The following LUZP2 variants were observed in gnomAD, a reference collection of about 807,000 sequenced individuals.
LUZP2 encodes the protein leucine zipper protein 2.
In LUZP2, 52 loss-of-function variants were observed where a neutral mutation model predicts 51.6. The ratio of observed to expected loss-of-function variants is 1.01; its 90% CI spans 0.81 to 1.27. The LOEUF (loss-of-function observed/expected upper bound fraction) is 1.27, where lower values mean the gene tolerates loss of function less well. LUZP2 is among the 50% of genes most tolerant of loss of function. The pLI, the probability that LUZP2 is intolerant of heterozygous loss-of-function variation, is 0.00. For synonymous variants in LUZP2, 154 were observed against 137.3 expected (o/e 1.12, Z -0.85); for missense variants, 436 against 395.4 (o/e 1.10, Z -0.87).
intron 1 of LUZP2, among the ~76,000 whole-genome samples, chr11:24,581,343 G>A (rs1482375207): frequency 1.3e-5 from 2 of 152,170 alleles, no homozygotes; most frequent in African/African-American, 4.8e-5. Context: ...AATGGTAACA[G>A]GTATACTAAT....
intron 1 of LUZP2, among the ~76,000 whole-genome samples, chr11:24,715,235 A>G (rs553180991): frequency 1.3e-5 from 2 of 150,224 alleles, no homozygotes; most frequent in South Asian, 4.2e-4. Context: ...GCATCTGCAG[A>G]TTATGGTATC....
At chr11:24,894,119 AATAG>A (rs1305539939) in intron 5 of LUZP2, among the ~76,000 whole-genome samples, 1 of 152,128 alleles carries the variant, frequency 6.6e-6, no homozygotes, top group Non-Finnish European at 1.5e-5. Context: ...TCTATGAGTG[AATAG>A]AATATGCATG....
chr11:24,999,047 ATGATCTAATGCAACACATGGTCAT>A (rs1458680755), intron 9 of LUZP2, among the ~76,000 whole-genome samples: 3 of 152,164 alleles, frequency 2.0e-5, no homozygotes, highest in Non-Finnish European at 4.4e-5. Context: ...ATCATATATA[ATGATCTAATGCAACACATGGTCAT>A]TGAGCCCTTA....
At position 24,695,968 on chromosome 11, in the gene LUZP2, T is replaced by C. The variant is rs528536294; in HGVS notation, c.63-33201T>C. On this transcript the variant is annotated intron_variant, in intron 1 of 11. Coordinates refer to ENST00000336930, the MANE Select transcript of LUZP2 (RefSeq NM_001009909.4). Reference sequence around the variant, plus strand: ...GAAGGATATATTGGAATATAATATATGTTCAGAAGTAGAGATTACTTGGGA... The same window carrying C: ...GAAGGATATATTGGAATATAATATACGTTCAGAAGTAGAGATTACTTGGGA... Among the ~76,000 whole-genome samples the C allele has an allele frequency of 3.8e-3, 584 of 152,162 alleles. 2 individuals carry two copies. Among genetic ancestry groups the C allele is most frequent in the African/African-American group, 0.014 (569 of 41,524 alleles).
intron 1 of LUZP2, among the ~76,000 whole-genome samples, chr11:24,527,056 A>G (rs1489516456): frequency 2.6e-5 from 4 of 151,322 alleles, no homozygotes; most frequent in Admixed American, 6.6e-5. Context: ...CAATCCAAAC[A>G]ATGAGTCAGT....
At chr11:24,693,987 A>T (rs1055433799) in intron 1 of LUZP2, among the ~76,000 whole-genome samples, 1 of 152,092 alleles carries the variant, frequency 6.6e-6, no homozygotes, top group African/African-American at 2.4e-5. Flanking sequence ...AGATGCTTTC[A>T]TACATATCAT....
In LUZP2 at chr11:24,778,667, AAAAGGAAG is replaced by A. The variant is rs1849009015; in HGVS notation, c.396+15368_396+15375del. On this transcript the variant is annotated intron_variant, in intron 5 of 11. Coordinates refer to ENST00000336930, the MANE Select transcript of LUZP2 (RefSeq NM_001009909.4). ...GAAAGAAACTAAATGAAGGAACATA[AAAAGGAAG>A]AAAGGAAGGAAAGATGAGAAAAGAA... 2.0e-5 allele frequency among the ~76,000 whole-genome samples: 3 copies of A among 152,268 alleles called. No homozygotes were observed. The South Asian group carries it at 6.2e-4, about 32-fold the overall frequency.
At chr11:24,867,231 G>A (rs1042259367) in intron 5 of LUZP2, among the ~76,000 whole-genome samples, 2 of 152,086 alleles carry the variant, frequency 1.3e-5, no homozygotes, top group Non-Finnish European at 2.9e-5. Flanking sequence ...GGTAAGACAA[G>A]ACTCCAGAGT....
At chr11:25,018,049 T>TTTTTTTTTTTTTGTTTTGTTTTG (rs1857211364) in intron 9 of LUZP2, among the ~76,000 whole-genome samples, 1 of 100,954 alleles carries the variant, frequency 9.9e-6, no homozygotes, top group Non-Finnish European at 2.1e-5. Context: ...TTTTTTTTTG[T>TTTTTTTTTTTTTGTTTTGTTTTG]TTTTTTTTTT....
intron 1 of LUZP2, among the ~76,000 whole-genome samples, chr11:24,674,755 T>C (rs1198983936): frequency 6.6e-6 from 1 of 152,164 alleles, no homozygotes; most frequent in Non-Finnish European, 1.5e-5. Context: ...TGTTTCTCCT[T>C]CTTCCCCTTT....
At chr11:24,885,195 A>C (rs1249187940) in intron 5 of LUZP2, among the ~76,000 whole-genome samples, 1 of 152,112 alleles carries the variant, frequency 6.6e-6, no homozygotes, top group Non-Finnish European at 1.5e-5. Context: ...AATGCCTTAT[A>C]AATTGTGATG....
At chr11:24,572,677 G>A (rs1381629117) in intron 1 of LUZP2, among the ~76,000 whole-genome samples, 1 of 151,996 alleles carries the variant, frequency 6.6e-6, no homozygotes, top group Non-Finnish European at 1.5e-5. Context: ...GAGACAGCTT[G>A]ATGTCTCTCT....
chr11:24,885,820 C>T lies in LUZP2; in HGVS notation c.397-20171C>T, dbSNP rs370962156. Among the ~76,000 whole-genome samples, 10 of 152,174 alleles carry T rather than the reference C, an allele frequency of 6.6e-5. No individual in the cohort carries two copies. The East Asian group carries it at 1.4e-3, about 21-fold the overall frequency. ...CTAACACTAGATATTTGAGCTGATT[C>T]GATTCTAAGTGAAGAATAGAAACCT... On this transcript the variant is annotated intron_variant, in intron 5 of 11. Coordinates refer to ENST00000336930, the MANE Select transcript of LUZP2 (RefSeq NM_001009909.4).
intron 7 of LUZP2, among the ~76,000 whole-genome samples, chr11:24,958,809 T>A (rs1369291925): frequency 6.6e-6 from 1 of 152,216 alleles, no homozygotes; most frequent in Admixed American, 6.5e-5. Context: ...TTTGGTGTTT[T>A]AGACATGAAG....
At chr11:24,666,832 C>A (rs1272085881) in intron 1 of LUZP2, among the ~76,000 whole-genome samples, 1 of 151,968 alleles carries the variant, frequency 6.6e-6, no homozygotes, top group Non-Finnish European at 1.5e-5. Context: ...GCCCAAAACC[C>A]AAAACTAAAG....
At chr11:24,725,846 T>C (rs952023548) in intron 1 of LUZP2, among the ~76,000 whole-genome samples, 5 of 152,128 alleles carry the variant, frequency 3.3e-5, no homozygotes, top group African/African-American at 1.2e-4. Context: ...TCTAAACCAA[T>C]ATGACTAGTG....
intron 5 of LUZP2, among the ~76,000 whole-genome samples, chr11:24,894,967 A>G (rs1852989289): frequency 6.6e-6 from 1 of 152,206 alleles, no homozygotes; most frequent in South Asian, 2.1e-4. Flanking sequence ...GGCTAGTTCA[A>G]GTCAAGTTCC....
At chr11:24,844,787 C>T (rs1272525946) in intron 5 of LUZP2, among the ~76,000 whole-genome samples, 1 of 152,184 alleles carries the variant, frequency 6.6e-6, no homozygotes, top group Admixed American at 6.5e-5. Context: ...GCCATGGCTT[C>T]AGAGGGTACA....
At chr11:25,013,456 G>C (rs946376271) in intron 9 of LUZP2, among the ~76,000 whole-genome samples, 2 of 152,022 alleles carry the variant, frequency 1.3e-5, no homozygotes, top group African/African-American at 4.8e-5. Context: ...AGTTTAAAAA[G>C]CAGGCCTACA....
Sources: gnomAD v4.1 joint callset for allele counts (sites outside exome capture counted in the v4.1 genomes callset) on GRCh38, gnomAD v4.1.1 for gene constraint, MANE v1.5 for transcripts, NCBI Gene and HGNC (gene_info 2026-07-23, HGNC 2026-07-21) for gene names.